The following AP4S1 variants were observed in gnomAD, a reference collection of about 807,000 sequenced individuals.
AP4S1 encodes the protein adaptor related protein complex 4 subunit sigma 1.
In AP4S1, 23 loss-of-function variants were observed where a neutral mutation model predicts 19.8. The observed-to-expected ratio is 1.16, with a 90% CI of 0.84 to 1.65. AP4S1 has a LOEUF of 1.65. AP4S1 is among the 40% of genes most tolerant of loss of function. AP4S1 has a pLI of 0.00. For missense variants in AP4S1, 166 were observed against 172.8 expected (o/e 0.96, Z 0.22); for synonymous variants, 46 against 54.1 (o/e 0.85, Z 0.66).
chr14:31,033,458 C>T (rs972258376), intron 1 of AP4S1, among the ~76,000 whole-genome samples: 11 of 152,104 alleles, frequency 7.2e-5, no homozygotes, highest in Non-Finnish European at 7.4e-5. Context: ...GTGATCCACC[C>T]GCCTCAGCCT....
intron 1 of AP4S1, among the ~76,000 whole-genome samples, chr14:31,062,127 T>C (rs111721514): frequency 0.077 from 11,751 of 152,100 alleles, 588 homozygotes; most frequent in Non-Finnish European, 0.1. Flanking sequence ...AGACAGAGTT[T>C]AGCTCTTGTC....
In AP4S1 at chr14:31,025,752, G is replaced by A; in HGVS notation, c.-107G>A. 6 of 1,058,572 alleles carry A rather than the reference G, an allele frequency of 5.7e-6. No individual in the cohort carries two copies. In the South Asian group the frequency reaches 9.8e-5, roughly 17 times the overall value. The allele number at this position is 1,058,572 out of a possible 1,614,324, so 65.6% of individuals were successfully genotyped here. A position where few individuals can be genotyped will look rare whatever the true frequency, so the allele number is the denominator to read the frequency against. On this transcript the variant is annotated 5_prime_UTR_variant, in exon 1 of 6. Transcript: ENST00000542754. Reference sequence around the variant, plus strand: ...AAGAGGGAGGGGGACTCCAGGAAAAGCCGTTGAGAGGACCATCACAACCTG... The same window carrying A: ...AAGAGGGAGGGGGACTCCAGGAAAAACCGTTGAGAGGACCATCACAACCTG...
intron 1 of AP4S1, among the ~76,000 whole-genome samples, chr14:31,065,746 C>T (rs1202575543): frequency 6.6e-6 from 1 of 152,114 alleles, no homozygotes; most frequent in South Asian, 2.1e-4. Flanking sequence ...CTGCAAGCTC[C>T]GCCTCCGGGG....
At chr14:31,059,253 T>C (rs1886299958) in intron 1 of AP4S1, among the ~76,000 whole-genome samples, 1 of 152,236 alleles carries the variant, frequency 6.6e-6, no homozygotes, top group African/African-American at 2.4e-5. Context: ...CTTCATTTAC[T>C]CTTTTCAAAA....
chr14:31,033,362 C>T (rs1014066635), intron 1 of AP4S1, among the ~76,000 whole-genome samples: 13 of 152,106 alleles, frequency 8.5e-5, no homozygotes, highest in African/African-American at 2.9e-4. Context: ...TACAGTCATG[C>T]GCCACCATGC....
chr14:31,075,137 A>G (rs1026071927), intron 4 of AP4S1, among the ~76,000 whole-genome samples: 1 of 152,128 alleles, frequency 6.6e-6, no homozygotes, highest in Non-Finnish European at 1.5e-5. Flanking sequence ...TCTTCTATCT[A>G]ATTGCATATT....
intron 1 of AP4S1, among the ~76,000 whole-genome samples, chr14:31,043,269 C>A (rs1566516295): frequency 6.6e-6 from 1 of 150,608 alleles, no homozygotes; most frequent in Non-Finnish European, 1.5e-5. Context: ...ATGTTTAATG[C>A]CAAATTAATC....
At chr14:31,073,309 T>G (rs554619907) in intron 4 of AP4S1, 73 of 237,110 alleles carry the variant, frequency 3.1e-4, no homozygotes, top group Non-Finnish European at 5.4e-4. Flanking sequence ...GCTAATACGG[T>G]GAAACCCCGT....
chr14:31,051,487 A>G (rs930729800), intron 1 of AP4S1, among the ~76,000 whole-genome samples: 1 of 152,226 alleles, frequency 6.6e-6, no homozygotes, highest in Non-Finnish European at 1.5e-5. Flanking sequence ...CCTGACCAAC[A>G]TGGAGAAACA....
chr14:31,082,428 T>A (rs568232593), intron 5 of AP4S1, among the ~76,000 whole-genome samples: 109 of 152,284 alleles, frequency 7.2e-4, no homozygotes, highest in African/African-American at 2.4e-3. Context: ...TTGAACAAGG[T>A]ACAAGTAGAC....
chr14:31,025,626 G>A (rs1427250428), upstream of AP4S1: 8 of 505,078 alleles, frequency 1.6e-5, no homozygotes, highest in Non-Finnish European at 1.4e-5. Flanking sequence ...GGCCGCCTCC[G>A]GAGGAGCCCC....
chr14:31,051,605 C>T (rs8021054), intron 1 of AP4S1, among the ~76,000 whole-genome samples: 118,876 of 152,166 alleles, frequency 0.78, 46,651 homozygotes, highest in Admixed American at 0.82. Flanking sequence ...TTTGATTTTG[C>T]GACTTAACAT....
chr14:31,077,390 A>G (rs74042126), intron 4 of AP4S1, among the ~76,000 whole-genome samples: 1,997 of 152,330 alleles, frequency 0.013, 45 homozygotes, highest in African/African-American at 0.045. Flanking sequence ...CAAAAGTCCA[A>G]TTAGGAAGTT....
chr14:31,030,570 A>G (rs1475061020), intron 1 of AP4S1, among the ~76,000 whole-genome samples: 2 of 151,982 alleles, frequency 1.3e-5, no homozygotes, highest in Non-Finnish European at 2.9e-5. Context: ...GTTGATCTCT[A>G]ACTCCTGGCC....
intron 1 of AP4S1, among the ~76,000 whole-genome samples, chr14:31,054,060 C>G (rs1885963794): frequency 2.0e-5 from 3 of 152,018 alleles, no homozygotes; most frequent in Middle Eastern, 3.2e-3. Context: ...AAAGTTATTG[C>G]TAGAAAAAGC....
At chr14:31,055,815 ATTTTCTTTTTTT>A (rs915622003) in intron 1 of AP4S1, among the ~76,000 whole-genome samples, 3 of 147,638 alleles carry the variant, frequency 2.0e-5, no homozygotes, top group South Asian at 2.2e-4. Context: ...ATCAACTATC[ATTTTCTTTTTTT>A]TTTTCTTTTT....
In AP4S1 at chr14:31,096,254, CA is replaced by C. The variant is rs527849090; in HGVS notation, c.*3223del. 1 of 152,046 alleles carries C rather than the reference CA, an allele frequency of 6.6e-6. No individual in the cohort carries two copies. The highest frequency in any genetic ancestry group is 1.5e-5 in the Non-Finnish European group (1 of 68,024). The allele number at this position is 152,046 out of a possible 1,614,324, so 9.4% of individuals were successfully genotyped here. ...AGAAGAGCAATGCACTGCATCCCCCCAAAACCTTTCTATATGCTTTTGCTAC... is the reference window on the plus strand; with the variant it reads ...AGAAGAGCAATGCACTGCATCCCCCCAAACCTTTCTATATGCTTTTGCTAC... On this transcript the variant is annotated 3_prime_UTR_variant, in exon 6 of 6. Transcript: ENST00000542754.
At chr14:31,058,806 G>A (rs896746051) in intron 1 of AP4S1, among the ~76,000 whole-genome samples, 2 of 150,898 alleles carry the variant, frequency 1.3e-5, no homozygotes, top group African/African-American at 4.9e-5. Flanking sequence ...CAACTTCTGG[G>A]CTCAAGCTAT....
intron 1 of AP4S1, among the ~76,000 whole-genome samples, chr14:31,052,728 C>CAAAA (rs967926664): frequency 5.6e-5 from 3 of 53,332 alleles, no homozygotes; most frequent in Non-Finnish European, 1.2e-4. Flanking sequence ...GACTCCCTCT[C>CAAAA]AAAAAAAAAA....
Sources: gnomAD v4.1 joint callset for allele counts (sites outside exome capture counted in the v4.1 genomes callset) on GRCh38, gnomAD v4.1.1 for gene constraint, MANE v1.5 for transcripts, NCBI Gene and HGNC (gene_info 2026-07-23, HGNC 2026-07-21) for gene names.